Variants in SEC14L5 observed in about 807,000 individuals in gnomAD.
SEC14L5 encodes SEC14 like lipid binding 5.
Under a neutral mutation model 84.6 loss-of-function variants are expected in SEC14L5, and 96 were observed. The ratio of observed to expected loss-of-function variants is 1.13; its 90% CI spans 0.96 to 1.34. The LOEUF (loss-of-function observed/expected upper bound fraction) is 1.34, where lower values mean the gene tolerates loss of function less well. SEC14L5 is among the 40% of genes most tolerant of loss of function. The pLI, the probability that SEC14L5 is intolerant of heterozygous loss-of-function variation, is 0.00. For missense variants in SEC14L5, 1,224 were observed against 942.5 expected (o/e 1.30, Z -3.91); for synonymous variants, 546 against 383.4 (o/e 1.42, Z -4.95).
intron 15 of SEC14L5, among the ~76,000 whole-genome samples, chr16:5,013,024 G>T (rs1050374164): frequency 2.0e-5 from 3 of 152,096 alleles, no homozygotes; most frequent in Non-Finnish European, 2.9e-5. Flanking sequence ...GAAGGCAAAG[G>T]GTCAGGAGAG....
intron 2 of SEC14L5, 141 bp downstream of exon 2, chr16:4,959,527 C>T (rs1955093226): frequency 1.4e-6 from 1 of 731,164 alleles, no homozygotes; most frequent in Non-Finnish European, 2.4e-6. Context: ...GTGGGTTTAA[C>T]TTCTATCCAG....
intron 2 of SEC14L5, among the ~76,000 whole-genome samples, chr16:4,975,770 G>A (rs1446714278): frequency 6.6e-6 from 1 of 152,164 alleles, no homozygotes. Flanking sequence ...GACTTGCAGG[G>A]GGAAGGAAAG....
intron 4 of SEC14L5, among the ~76,000 whole-genome samples, chr16:4,989,988 C>A (rs1955535404): frequency 6.6e-6 from 1 of 151,860 alleles, no homozygotes. Context: ...TTTCTTTTTG[C>A]AAACATACAG....
intron 4 of SEC14L5, among the ~76,000 whole-genome samples, chr16:4,988,885 G>A (rs989797365): frequency 6.6e-6 from 1 of 152,260 alleles, no homozygotes; most frequent in African/African-American, 2.4e-5. Context: ...CTCACGGAGG[G>A]TCCATTCCAG....
intron 2 of SEC14L5, among the ~76,000 whole-genome samples, chr16:4,975,422 G>A (rs1054542012): frequency 2.2e-5 from 3 of 135,086 alleles, no homozygotes; most frequent in East Asian, 2.2e-4. Context: ...GCAGTGAGTC[G>A]AGATCATGCC....
intron 6 of SEC14L5, 60 bp downstream of exon 6, chr16:4,992,090 A>G (rs1189779824): frequency 6.6e-6 from 8 of 1,212,822 alleles, no homozygotes; most frequent in African/African-American, 6.2e-5. Flanking sequence ...CTCTTGCTCC[A>G]TGGGGGGCCC....
At chr16:4,988,376 C>T in intron 4 of SEC14L5, 96 bp downstream of exon 4, 1 of 1,438,238 alleles carries the variant, frequency 7.0e-7, no homozygotes. Context: ...CCTTGAGCCT[C>T]TGCCAAGCCC....
At chr16:4,983,995 T>C (rs1461716970) in intron 2 of SEC14L5, among the ~76,000 whole-genome samples, 2 of 152,196 alleles carry the variant, frequency 1.3e-5, no homozygotes, top group Non-Finnish European at 1.5e-5. Context: ...AAAGACACTT[T>C]TTTAAAGAAA....
Position 5,010,872 on chromosome 16 carries a change from C to T in SEC14L5, c.1801-223C>T, listed in dbSNP as rs1881383607. 5.7e-6 allele frequency: 3 copies of T among 522,450 alleles called. No individual in the cohort carries two copies. In the East Asian group the frequency reaches 8.6e-5, roughly 15 times the overall value. 32.4% of individuals were successfully genotyped at this position (522,450 alleles called of 1,614,324 possible). A position where few individuals can be genotyped will look rare whatever the true frequency, so the allele number is the denominator to read the frequency against. On this transcript the variant is annotated intron_variant, in intron 14 of 15. Transcript: ENST00000251170. ...CCCCCACCCCCAGGCGTCAGCTCCT[C>T]CCCAGATTAAGAGGGAGGCTCTGGT...
rs1955543914 is a variant in SEC14L5 at position 4,990,751 on chromosome 16, C to G, written c.346-16C>G. The G allele has an allele frequency of 1.9e-6, 3 of 1,600,980 alleles. No individual in the cohort carries two copies. The South Asian group carries it at 3.4e-5, about 18-fold the overall frequency. ...CCGACATTGAGTCCCTGGCATGACC[C>G]CTGCCTGGCTTTCAGGTCCACCCTG... On this transcript the variant is annotated splice_polypyrimidine_tract_variant and intron_variant, in intron 4 of 15. Transcript: ENST00000251170.
At chr16:5,013,934 C>G (rs1451201135) in intron 15 of SEC14L5, among the ~76,000 whole-genome samples, 1 of 152,168 alleles carries the variant, frequency 6.6e-6, no homozygotes, top group Non-Finnish European at 1.5e-5. Context: ...CTCAAGCGAT[C>G]CCCCTGCCTC....
At chr16:4,968,169 A>G (rs1333149058) in intron 2 of SEC14L5, among the ~76,000 whole-genome samples, 1 of 149,158 alleles carries the variant, frequency 6.7e-6, no homozygotes, top group Non-Finnish European at 1.5e-5. Flanking sequence ...ACAGGTGTTC[A>G]CCACCACGCC....
At chr16:4,997,902 G>C (rs1005298220) in intron 8 of SEC14L5, among the ~76,000 whole-genome samples, 1 of 151,864 alleles carries the variant, frequency 6.6e-6, no homozygotes, top group Non-Finnish European at 1.5e-5. Context: ...CTTCTCATAA[G>C]GACCCCAGGA....
chr16:5,004,590 G>A (rs1175180195), intron 11 of SEC14L5, among the ~76,000 whole-genome samples: 1 of 152,082 alleles, frequency 6.6e-6, no homozygotes, highest in Non-Finnish European at 1.5e-5. Context: ...AGGGGTGGGG[G>A]CAGGGAGCTA....
At chr16:5,006,417 G>T (rs149145002) in intron 12 of SEC14L5, among the ~76,000 whole-genome samples, 2 of 152,178 alleles carry the variant, frequency 1.3e-5, no homozygotes, top group African/African-American at 4.8e-5. Context: ...GAGGTGACTC[G>T]AATGTATCTG....
At chr16:4,988,960 G>A (rs971097258) in intron 4 of SEC14L5, among the ~76,000 whole-genome samples, 2 of 152,228 alleles carry the variant, frequency 1.3e-5, no homozygotes, top group African/African-American at 4.8e-5. Flanking sequence ...GCAGGGAGAT[G>A]TGTGGGAGTC....
At position 5,008,482 on chromosome 16, in the gene SEC14L5, G is replaced by T. The variant is rs2142531089; in HGVS notation, c.1634G>T (p.Gly545Val). 1 of 1,613,622 alleles carries T rather than the reference G, an allele frequency of 6.2e-7. No homozygotes were observed. The highest frequency in any genetic ancestry group is 8.5e-7 in the Non-Finnish European group (1 of 1,179,794). ...VITWDFDILRGDVVFSLYHTK... is the reference protein window; with the variant it reads ...VITWDFDILRVDVVFSLYHTK... ...ACCTGGGACTTTGACATCCTGCGAG[G>T]GGACGTGGTGTTCAGCCTGTACCAC... The change falls in exon 14 of 16, where the codon GGG becomes GTG. Residue 545 changes from glycine to valine, a missense_variant. Physicochemically the swap from Gly to Val is moderately radical, Grantham distance 109 (BLOSUM62 -3). Transcript: ENST00000251170.
intron 10 of SEC14L5, among the ~76,000 whole-genome samples, chr16:5,001,905 G>T (rs1225883327): frequency 6.6e-6 from 1 of 151,870 alleles, no homozygotes; most frequent in Non-Finnish European, 1.5e-5. Flanking sequence ...CCCAAGCAGC[G>T]GGGACTATAA....
At chr16:4,997,092 C>A in intron 8 of SEC14L5, 48 bp downstream of exon 8, 1 of 1,353,090 alleles carries the variant, frequency 7.4e-7, no homozygotes, top group Non-Finnish European at 1.0e-6. Context: ...TTGGTCACTG[C>A]CAAATGCACT....
Sources: allele counts gnomAD v4.1 joint callset (sites outside exome capture counted in the v4.1 genomes callset), GRCh38; gene constraint gnomAD v4.1.1; transcripts MANE v1.5; gene names NCBI Gene and HGNC (gene_info 2026-07-23, HGNC 2026-07-21).